Variants in SHISA9 observed in about 807,000 individuals in gnomAD.
SHISA9 encodes shisa family member 9.
SHISA9 carries 13 observed loss-of-function variants against 38.0 expected under a neutral mutation model. The ratio of observed to expected loss-of-function variants is 0.34; its 90% CI spans 0.22 to 0.54. The LOEUF (loss-of-function observed/expected upper bound fraction) is 0.54, where lower values mean the gene tolerates loss of function less well. SHISA9 is among the 20% of genes least tolerant of loss of function. The pLI is 0.91. For synonymous variants in SHISA9, 275 were observed against 242.0 expected (o/e 1.14, Z -1.27); for missense variants, 538 against 575.8 (o/e 0.93, Z 0.67).
At chr16:13,071,414 T>G (rs1472791388) in intron 2 of SHISA9, among the ~76,000 whole-genome samples, 1 of 152,084 alleles carries the variant, frequency 6.6e-6, no homozygotes, top group Non-Finnish European at 1.5e-5. Context: ...CTATTTCCAT[T>G]TTACAGATAA....
chr16:12,962,122 G>A (rs996787213), intron 2 of SHISA9, among the ~76,000 whole-genome samples: 2 of 152,228 alleles, frequency 1.3e-5, no homozygotes, highest in African/African-American at 4.8e-5. Flanking sequence ...TCGATGCGAA[G>A]GCACTGCTGT....
At chr16:12,950,052 C>T (rs1306839852) in intron 2 of SHISA9, among the ~76,000 whole-genome samples, 1 of 152,176 alleles carries the variant, frequency 6.6e-6, no homozygotes. Flanking sequence ...ATGGTAAACA[C>T]CGTTCTATTC....
intron 2 of SHISA9, among the ~76,000 whole-genome samples, chr16:13,191,938 C>G (rs1052870630): frequency 6.6e-6 from 1 of 152,066 alleles, no homozygotes; most frequent in Non-Finnish European, 1.5e-5. Flanking sequence ...GTTATGGAAC[C>G]AATGAAGTGG....
chr16:13,133,275 AG>A (rs1265675157), intron 2 of SHISA9, among the ~76,000 whole-genome samples: 4 of 152,250 alleles, frequency 2.6e-5, no homozygotes, highest in African/African-American at 9.6e-5. Flanking sequence ...TGAAATTCCT[AG>A]CCTCTCTCAT....
chr16:13,158,061 A>G (rs2050562842), intron 2 of SHISA9, among the ~76,000 whole-genome samples: 1 of 152,086 alleles, frequency 6.6e-6, no homozygotes, highest in Admixed American at 6.5e-5. Context: ...TATATTAGAA[A>G]GAACCGGAAC....
At chr16:13,069,145 A>G (rs2073475668) in intron 2 of SHISA9, among the ~76,000 whole-genome samples, 2 of 151,552 alleles carry the variant, frequency 1.3e-5, no homozygotes, top group South Asian at 4.2e-4. Context: ...ATGTGTACAT[A>G]TGCATGTATG....
At chr16:13,140,497 G>T (rs978728621) in intron 2 of SHISA9, among the ~76,000 whole-genome samples, 2 of 152,106 alleles carry the variant, frequency 1.3e-5, no homozygotes, top group South Asian at 2.1e-4. Context: ...CTTTCTGGGG[G>T]TACCTAAACA....
the SHISA9 span, among the ~76,000 whole-genome samples, chr16:13,490,273 G>A: frequency 1.3e-5 from 2 of 152,120 alleles, no homozygotes; most frequent in Non-Finnish European, 2.9e-5. Flanking sequence ...ACAATGGTGG[G>A]AAATGAGGGC....
intron 2 of SHISA9, among the ~76,000 whole-genome samples, chr16:13,122,383 A>G (rs1307122813): frequency 6.6e-6 from 1 of 152,184 alleles, no homozygotes; most frequent in Non-Finnish European, 1.5e-5. Context: ...GGGACGAAAC[A>G]ATCTCATCCT....
the SHISA9 span, among the ~76,000 whole-genome samples, chr16:13,420,245 C>CAAAAAAAAAAA: frequency 8.8e-3 from 444 of 50,388 alleles, 45 homozygotes; most frequent in East Asian, 0.035. Context: ...GAATCTGTTT[C>CAAAAAAAAAAA]AAAAAAAAAA....
At chr16:13,529,985 G>C in the SHISA9 span, among the ~76,000 whole-genome samples, 1 of 152,198 alleles carries the variant, frequency 6.6e-6, no homozygotes, top group African/African-American at 2.4e-5. Flanking sequence ...GGAGTCTAGT[G>C]CTTGGCCGCC....
chr16:12,975,662 G>GGGC (rs1555451392), intron 2 of SHISA9, among the ~76,000 whole-genome samples: 2,343 of 142,282 alleles, frequency 0.016, 97 homozygotes, highest in African/African-American at 0.06. Context: ...GGGGCGGGGG[G>GGGC]GGTAAGGGCA....
chr16:13,521,392 A>G, the SHISA9 span, among the ~76,000 whole-genome samples: 1 of 152,244 alleles, frequency 6.6e-6, no homozygotes, highest in Non-Finnish European at 1.5e-5. Flanking sequence ...TTTATACAGT[A>G]CACATTACAA....
chr16:13,136,204 G>A (rs2050346508), intron 2 of SHISA9, among the ~76,000 whole-genome samples: 2 of 151,932 alleles, frequency 1.3e-5, no homozygotes, highest in East Asian at 1.9e-4. Flanking sequence ...CTACCTGATT[G>A]GCAGTGGGCA....
chr16:13,380,829 A>AC, the SHISA9 span, among the ~76,000 whole-genome samples: 4 of 26,332 alleles, frequency 1.5e-4, no homozygotes, highest in African/African-American at 5.8e-4. Context: ...CTAGCCCCCC[A>AC]CCCCCCAGCA....
At chr16:13,145,076 C>T (rs2050435218) in intron 2 of SHISA9, among the ~76,000 whole-genome samples, 1 of 152,202 alleles carries the variant, frequency 6.6e-6, no homozygotes, top group Admixed American at 6.5e-5. Context: ...CTGGCTGCTT[C>T]CCATGTGTTC....
chr16:13,226,440 C>T (rs1386350170), intron 4 of SHISA9, among the ~76,000 whole-genome samples: 1 of 152,144 alleles, frequency 6.6e-6, no homozygotes, highest in African/African-American at 2.4e-5. Context: ...TATAATCTTG[C>T]CTATAGGACA....
At chr16:13,103,472 A>G (rs1451422064) in intron 2 of SHISA9, among the ~76,000 whole-genome samples, 1 of 152,218 alleles carries the variant, frequency 6.6e-6, no homozygotes, top group Non-Finnish European at 1.5e-5. Context: ...GGGCTAATGA[A>G]TGGGAAGAAA....
the SHISA9 span, among the ~76,000 whole-genome samples, chr16:13,335,257 G>A: frequency 6.6e-6 from 1 of 152,232 alleles, no homozygotes; most frequent in African/African-American, 2.4e-5. Context: ...TTAGGTGAGA[G>A]CAAGTGGATA....
Sources: allele counts gnomAD v4.1 joint callset (sites outside exome capture counted in the v4.1 genomes callset), GRCh38; gene constraint gnomAD v4.1.1; transcripts MANE v1.5; gene names NCBI Gene and HGNC (gene_info 2026-07-23, HGNC 2026-07-21).